The following DPP10 variants were observed in gnomAD, a reference collection of about 807,000 sequenced individuals.
DPP10 encodes inactive dipeptidyl peptidase 10.
In DPP10, 33 loss-of-function variants were observed where a neutral mutation model predicts 120.9. That is an observed-to-expected ratio of 0.27 (90% confidence interval 0.21 to 0.37). DPP10 has a LOEUF of 0.37. Ranked by LOEUF, DPP10 falls within the 10% of genes least tolerant of loss-of-function variation. The pLI is 1.00. For missense variants in DPP10, 816 were observed against 942.8 expected, an observed-to-expected ratio of 0.87 and a Z score of 1.76; for synonymous variants, 337 against 326.1, an observed-to-expected ratio of 1.03 and a Z score of -0.36.
chr2:115,417,576 G>C (rs843390), intron 3 of DPP10, among the ~76,000 whole-genome samples: 20,840 of 152,070 alleles, frequency 0.14, 2,010 homozygotes, highest in African/African-American at 0.27. Flanking sequence ...TATGATGTAG[G>C]TATGTATGTC....
chr2:114,552,231 G>A (rs1053198200), intron 1 of DPP10, among the ~76,000 whole-genome samples: 9 of 152,232 alleles, frequency 5.9e-5, no homozygotes, highest in Non-Finnish European at 7.3e-5. Context: ...GTAGCTCAGA[G>A]TGTGTCATGA....
rs60539029 is a variant in DPP10 at position 114,521,251 on chromosome 2, GACACACAC to G, written c.60+78443_60+78450del. Among the ~76,000 whole-genome samples the G allele has an allele frequency of 1.4e-3, 209 of 144,616 alleles. 1 individual carries two copies. The highest frequency in any genetic ancestry group is 0.011 in the Admixed American group (158 of 14,376). The allele number at this position is 144,616 out of a possible 152,430, so 94.9% of individuals were successfully genotyped here. A position where few individuals can be genotyped will look rare whatever the true frequency, so the allele number is the denominator to read the frequency against. On this transcript the variant is annotated intron_variant, in intron 1 of 25. Transcript: ENST00000410059. Reference sequence around the variant, plus strand: ...CTAATCTGTCTCTCTCACATGCACAGACACACACACACACACACACACACACACACACA... The same window carrying G: ...CTAATCTGTCTCTCTCACATGCACAGACACACACACACACACACACACACA...
At chr2:115,636,204 C>T (rs1302620233) in intron 5 of DPP10, among the ~76,000 whole-genome samples, 1 of 150,322 alleles carries the variant, frequency 6.7e-6, no homozygotes, top group African/African-American at 2.4e-5. Flanking sequence ...GAGACAGCTA[C>T]CCTGGGCTTC....
At chr2:114,653,104 A>G (rs1440915605) in intron 1 of DPP10, among the ~76,000 whole-genome samples, 1 of 151,714 alleles carries the variant, frequency 6.6e-6, no homozygotes, top group African/African-American at 2.4e-5. Flanking sequence ...TGACCCTCAA[A>G]AAGGTATGTC....
At chr2:115,358,129 T>G (rs545481088) in intron 3 of DPP10, among the ~76,000 whole-genome samples, 49 of 152,272 alleles carry the variant, frequency 3.2e-4, no homozygotes, top group Non-Finnish European at 5.9e-4. Flanking sequence ...TTATTCAAAT[T>G]TCTGCAGCCT....
chr2:115,765,435 G>A (rs1411842083), intron 12 of DPP10, among the ~76,000 whole-genome samples: 1 of 152,078 alleles, frequency 6.6e-6, no homozygotes, highest in Non-Finnish European at 1.5e-5. Context: ...GACCTACTGT[G>A]TCTTAGGCAA....
At chr2:115,487,041 A>T (rs2075819540) in intron 3 of DPP10, among the ~76,000 whole-genome samples, 1 of 152,160 alleles carries the variant, frequency 6.6e-6, no homozygotes, top group Non-Finnish European at 1.5e-5. Context: ...TGGATATCTA[A>T]CTTTATCTTA....
intron 1 of DPP10, among the ~76,000 whole-genome samples, chr2:114,481,209 T>C (rs1681013610): frequency 1.3e-5 from 2 of 152,038 alleles, no homozygotes; most frequent in African/African-American, 4.8e-5. Flanking sequence ...AGTATATACA[T>C]AGAGCTCTCT....
intron 3 of DPP10, among the ~76,000 whole-genome samples, chr2:115,391,491 T>C (rs1420695270): frequency 6.6e-6 from 1 of 151,944 alleles, no homozygotes; most frequent in Non-Finnish European, 1.5e-5. Context: ...AGCACATGAG[T>C]TGGTGTCAGA....
chr2:114,830,652 C>T (rs1687021089), intron 1 of DPP10, among the ~76,000 whole-genome samples: 1 of 152,132 alleles, frequency 6.6e-6, no homozygotes, highest in South Asian at 2.1e-4. Flanking sequence ...ATAACAACCT[C>T]TTATTTTTTT....
rs1575682189 is a variant in DPP10, at chr2:115,753,354, C to G, written c.1074+57C>G. On this transcript the variant is annotated intron_variant, in intron 11 of 25. Transcript: ENST00000410059. Reference sequence around the variant, plus strand: ...AAATGAAGTAGCTTATGCAGCTTTACAAAGGGGAAACAGGAAATGCTTTGT... The same window carrying G: ...AAATGAAGTAGCTTATGCAGCTTTAGAAAGGGGAAACAGGAAATGCTTTGT... 4 of 1,480,500 alleles carry G rather than the reference C, an allele frequency of 2.7e-6. No individual in the cohort carries two copies. The African/African-American group carries it at 5.6e-5, about 21-fold the overall frequency. 91.7% of individuals were successfully genotyped at this position (1,480,500 alleles called of 1,614,324 possible).
chr2:114,605,253 G>A (rs938206072), intron 1 of DPP10, among the ~76,000 whole-genome samples: 1 of 152,050 alleles, frequency 6.6e-6, no homozygotes, highest in Non-Finnish European at 1.5e-5. Context: ...TACAAATACA[G>A]TTAACCCTTG....
At chr2:115,461,255 G>A (rs2105072607) in intron 3 of DPP10, among the ~76,000 whole-genome samples, 1 of 151,920 alleles carries the variant, frequency 6.6e-6, no homozygotes, top group East Asian at 1.9e-4. Flanking sequence ...GGCATTCTTT[G>A]GAGTGGCAGA....
At chr2:115,403,841 A>C (rs982314861) in intron 3 of DPP10, among the ~76,000 whole-genome samples, 1 of 152,202 alleles carries the variant, frequency 6.6e-6, no homozygotes, top group African/African-American at 2.4e-5. Flanking sequence ...TATGTGTAAA[A>C]CACCTTAAAG....
At chr2:115,570,443 A>C (rs1242873207) in intron 5 of DPP10, among the ~76,000 whole-genome samples, 1 of 152,186 alleles carries the variant, frequency 6.6e-6, no homozygotes, top group Non-Finnish European at 1.5e-5. Flanking sequence ...TAAGGGTAAA[A>C]TATATGGTTG....
chr2:115,315,718 A>G lies in DPP10; in HGVS notation c.175+6365A>G, dbSNP rs976755160. Among the ~76,000 whole-genome samples the G allele has an allele frequency of 2.6e-5, 4 of 152,150 alleles. No homozygotes were observed. In the South Asian group the frequency reaches 8.3e-4, roughly 32 times the overall value. On this transcript the variant is annotated intron_variant, in intron 2 of 25. Coordinates refer to ENST00000410059, the MANE Select transcript of DPP10 (RefSeq NM_020868.6). ...TGTGCTGTATTGATAGGCATAGTCT[A>G]ATGTGTCTCTGCTTGTTTTTTTCAA... is the stretch of plus-strand genomic sequence containing the variant.
rs1341128023 is a variant in DPP10, at chr2:115,274,179, AG to A, written c.61-35059del. On this transcript the variant is annotated intron_variant, in intron 1 of 25. Transcript: ENST00000410059. Reference sequence around the variant, plus strand: ...TATTGTCTAAATCATTCTTGTGATAAGAATGATAATCTTATTATATAAATGA... The same window carrying A: ...TATTGTCTAAATCATTCTTGTGATAAAATGATAATCTTATTATATAAATGA... 2.0e-5 allele frequency among the ~76,000 whole-genome samples: 3 copies of A among 152,284 alleles called. No homozygotes were observed. The East Asian group carries it at 5.8e-4, about 29-fold the overall frequency.
intron 1 of DPP10, among the ~76,000 whole-genome samples, chr2:115,253,989 C>T (rs2058864888): frequency 6.6e-6 from 1 of 152,068 alleles, no homozygotes; most frequent in Non-Finnish European, 1.5e-5. Flanking sequence ...GGCGGCCAGG[C>T]TTTTCTATAC....
intron 5 of DPP10, among the ~76,000 whole-genome samples, chr2:115,590,319 A>C (rs530571763): frequency 6.6e-6 from 1 of 150,766 alleles, no homozygotes; most frequent in African/African-American, 2.4e-5. Context: ...CCTCCCCCTT[A>C]CCCCCACCTC....
Sources: gnomAD v4.1 joint callset for allele counts (sites outside exome capture counted in the v4.1 genomes callset) on GRCh38, gnomAD v4.1.1 for gene constraint, MANE v1.5 for transcripts, NCBI Gene and HGNC (gene_info 2026-07-23, HGNC 2026-07-21) for gene names.